GALNTL6: variants seen among roughly 807,000 people sequenced by gnomAD.
The protein encoded by GALNTL6 is polypeptide N-acetylgalactosaminyltransferase like 6, also known as polypeptide N-acetylgalactosaminyltransferase-like 6.
GALNTL6 carries 46 observed loss-of-function variants against 73.7 expected under a neutral mutation model. That is an observed-to-expected ratio of 0.62 (90% CI 0.49 to 0.80). The LOEUF (loss-of-function observed/expected upper bound fraction) is 0.80, where lower values mean the gene tolerates loss of function less well. Among genes scored for constraint, GALNTL6 ranks in the 30% least tolerant of loss-of-function variants. The probability of loss-of-function intolerance (pLI) is 0.00; values close to 1 mark genes in which losing one functional copy is unlikely to be tolerated. For missense variants in GALNTL6, 604 were observed against 755.0 expected, an observed-to-expected ratio of 0.80 and a Z score of 2.34; for synonymous variants, 259 against 263.7, an observed-to-expected ratio of 0.98 and a Z score of 0.17.
chr4:172,879,216 CAAG>C (rs1201100764), intron 7 of GALNTL6, among the ~76,000 whole-genome samples: 2 of 151,762 alleles, frequency 1.3e-5, no homozygotes, highest in African/African-American at 4.8e-5. Context: ...ATTGATACAT[CAAG>C]GAGACATAAA....
chr4:172,709,023 T>C (rs1050945968), intron 5 of GALNTL6, among the ~76,000 whole-genome samples: 2 of 152,198 alleles, frequency 1.3e-5, no homozygotes, highest in African/African-American at 4.8e-5. Context: ...TTTTCTATAT[T>C]GTTCTATTGG....
chr4:172,368,952 G>A (rs1025354995), intron 5 of GALNTL6, among the ~76,000 whole-genome samples: 18 of 152,304 alleles, frequency 1.2e-4, no homozygotes, highest in African/African-American at 3.1e-4. Context: ...TCATAAAGGC[G>A]GCACAGACCC....
chr4:172,864,760 G>A (rs957568542), intron 7 of GALNTL6, among the ~76,000 whole-genome samples: 8 of 151,920 alleles, frequency 5.3e-5, no homozygotes, highest in Non-Finnish European at 1.0e-4. Flanking sequence ...TATTAGATTG[G>A]GTTTATAGAA....
At chr4:172,288,782 T>C (rs1739358745) in intron 3 of GALNTL6, among the ~76,000 whole-genome samples, 1 of 152,190 alleles carries the variant, frequency 6.6e-6, no homozygotes, top group Non-Finnish European at 1.5e-5. Context: ...CTGTAAATTG[T>C]AACTCGACTA....
intron 5 of GALNTL6, among the ~76,000 whole-genome samples, chr4:172,603,629 A>T (rs547745403): frequency 1.3e-5 from 2 of 152,292 alleles, no homozygotes; most frequent in East Asian, 3.9e-4. Flanking sequence ...AATAAATAAA[A>T]CTTAATGGTA....
chr4:171,929,771 G>C (rs947447900), intron 2 of GALNTL6, among the ~76,000 whole-genome samples: 5 of 152,190 alleles, frequency 3.3e-5, no homozygotes, highest in Admixed American at 2.6e-4. Flanking sequence ...CCTTCCTGGA[G>C]AGACTGCAGC....
intron 5 of GALNTL6, among the ~76,000 whole-genome samples, chr4:172,732,478 T>A (rs974109301): frequency 3.9e-5 from 6 of 152,296 alleles, no homozygotes; most frequent in Middle Eastern, 3.4e-3. Context: ...CTTTATCCAT[T>A]CAGCCACTCT....
At chr4:172,772,694 G>C (rs1738843578) in intron 5 of GALNTL6, among the ~76,000 whole-genome samples, 1 of 150,360 alleles carries the variant, frequency 6.7e-6, no homozygotes, top group Admixed American at 6.7e-5. Context: ...ATTTTAGAAA[G>C]AGCTTACACT....
At chr4:172,989,839 G>T (rs371475057) in intron 10 of GALNTL6, among the ~76,000 whole-genome samples, 22 of 152,300 alleles carry the variant, frequency 1.4e-4, no homozygotes, top group African/African-American at 5.3e-4. Context: ...TTATAGCAGT[G>T]CAAGAATGGA....
At chr4:172,871,759 T>TTTTG (rs113501777) in intron 7 of GALNTL6, among the ~76,000 whole-genome samples, 6,653 of 150,494 alleles carry the variant, frequency 0.044, 411 homozygotes, top group African/African-American at 0.14. Flanking sequence ...TAGCATAGTT[T>TTTTG]TTTGTTTGTT....
rs1180092900 is a variant in GALNTL6 at position 172,156,742 on chromosome 4, TA to T, written c.139-72908del. On this transcript the variant is annotated intron_variant, in intron 2 of 12. Coordinates refer to ENST00000506823, the MANE Select transcript of GALNTL6 (RefSeq NM_001034845.3). ...CCTTAAATGTCATGACTGATACACA[TA>T]AAAAAGAAAGGACACTTTAGGAAGT... Among the ~76,000 whole-genome samples, 4 of 151,020 alleles carry T rather than the reference TA, an allele frequency of 2.6e-5. No individual in the cohort carries two copies. The East Asian group carries it at 7.8e-4, about 29-fold the overall frequency.
chr4:172,433,166 A>G (rs1245675020), intron 5 of GALNTL6, among the ~76,000 whole-genome samples: 1 of 152,182 alleles, frequency 6.6e-6, no homozygotes, highest in Non-Finnish European at 1.5e-5. Context: ...TGTAACATCT[A>G]GGACTATCTT....
chr4:172,302,453 G>A (rs1003918916), intron 3 of GALNTL6, among the ~76,000 whole-genome samples: 1 of 152,084 alleles, frequency 6.6e-6, no homozygotes, highest in African/African-American at 2.4e-5. Flanking sequence ...TTCGTCTTCT[G>A]CTTCGCTCAT....
At chr4:172,626,111 G>T (rs1739158030) in intron 5 of GALNTL6, among the ~76,000 whole-genome samples, 1 of 152,064 alleles carries the variant, frequency 6.6e-6, no homozygotes, top group Admixed American at 6.6e-5. Flanking sequence ...TGTCCAGAAT[G>T]GTGTTTCCTA....
At chr4:172,664,802 A>G (rs1731573177) in intron 5 of GALNTL6, among the ~76,000 whole-genome samples, 1 of 152,216 alleles carries the variant, frequency 6.6e-6, no homozygotes, top group Non-Finnish European at 1.5e-5. Flanking sequence ...CACCCTGACA[A>G]ATGCAGTCAA....
intron 7 of GALNTL6, among the ~76,000 whole-genome samples, chr4:172,831,944 C>T (rs1260029533): frequency 6.6e-6 from 1 of 152,204 alleles, no homozygotes; most frequent in Non-Finnish European, 1.5e-5. Flanking sequence ...CATCCAGCCT[C>T]CAGAACTGTC....
intron 4 of GALNTL6, among the ~76,000 whole-genome samples, chr4:172,317,029 G>C (rs993050127): frequency 4.6e-5 from 7 of 152,134 alleles, no homozygotes; most frequent in African/African-American, 1.7e-4. Context: ...GAAAGGCCAG[G>C]TGCGTTTGTC....
At chr4:172,544,359 G>A (rs1735677731) in intron 5 of GALNTL6, among the ~76,000 whole-genome samples, 1 of 152,140 alleles carries the variant, frequency 6.6e-6, no homozygotes, top group African/African-American at 2.4e-5. Context: ...TATGAGTTGT[G>A]GTTCTCAAGG....
chr4:172,143,824 T>C (rs552982846), intron 2 of GALNTL6, among the ~76,000 whole-genome samples: 7 of 152,278 alleles, frequency 4.6e-5, no homozygotes, highest in African/African-American at 9.6e-5. Flanking sequence ...AAGTGGAGCA[T>C]CATTTTTGTT....
Sources: allele counts gnomAD v4.1 joint callset (sites outside exome capture counted in the v4.1 genomes callset), GRCh38; gene constraint gnomAD v4.1.1; transcripts MANE v1.5; gene names NCBI Gene and HGNC (gene_info 2026-07-23, HGNC 2026-07-21).